Variants in MB21D2 observed in about 807,000 individuals in gnomAD.
MB21D2 encodes nucleotidyltransferase MB21D2.
In MB21D2, 9 loss-of-function variants were observed where a neutral mutation model predicts 33.3. The ratio of observed to expected loss-of-function variants is 0.27; its 90% CI spans 0.16 to 0.47. The LOEUF (loss-of-function observed/expected upper bound fraction) is 0.47. MB21D2 is among the 20% of genes least tolerant of loss of function. MB21D2 has a pLI of 0.99. For synonymous variants in MB21D2, 241 were observed against 236.3 expected (o/e 1.02, Z -0.18); for missense variants, 540 against 624.6 (o/e 0.86, Z 1.44).
At chr3:192,837,119 T>C (rs959889971) in intron 1 of MB21D2, among the ~76,000 whole-genome samples, 9 of 152,146 alleles carry the variant, frequency 5.9e-5, no homozygotes, top group African/African-American at 2.2e-4. Context: ...ATGCCCTGTT[T>C]GAGTCCAGAA....
chr3:192,890,202 ATTT>A (rs1214180024), intron 1 of MB21D2, among the ~76,000 whole-genome samples: 2 of 152,138 alleles, frequency 1.3e-5, no homozygotes, highest in Non-Finnish European at 2.9e-5. Context: ...ATGTAGGTCC[ATTT>A]TTAGTATATA....
chr3:192,884,667 A>G (rs1577195988), intron 1 of MB21D2, among the ~76,000 whole-genome samples: 4 of 152,088 alleles, frequency 2.6e-5, no homozygotes, highest in Admixed American at 2.6e-4. Flanking sequence ...GCACCCGGCC[A>G]GAGGTGCATG....
chr3:192,917,317 C>A (rs911094834), intron 1 of MB21D2, among the ~76,000 whole-genome samples: 1 of 152,206 alleles, frequency 6.6e-6, no homozygotes, highest in African/African-American at 2.4e-5. Context: ...AGGGGCTTCC[C>A]CCAACAGTGC....
chr3:192,835,087 C>T (rs1231112209), intron 1 of MB21D2, among the ~76,000 whole-genome samples: 10 of 144,340 alleles, frequency 6.9e-5, no homozygotes, highest in Non-Finnish European at 1.4e-4. Context: ...GGATGACAGG[C>T]GTGAGCCACC....
intron 1 of MB21D2, among the ~76,000 whole-genome samples, chr3:192,862,384 T>C (rs539172713): frequency 1.3e-5 from 2 of 152,200 alleles, no homozygotes; most frequent in Non-Finnish European, 2.9e-5. Context: ...AATTGTAGAA[T>C]AATAGAGACA....
intron 1 of MB21D2, among the ~76,000 whole-genome samples, chr3:192,879,058 G>A (rs988719276): frequency 6.6e-6 from 1 of 152,188 alleles, no homozygotes; most frequent in African/African-American, 2.4e-5. Flanking sequence ...AGCAAGAGGT[G>A]CTCAAGAAGC....
At chr3:192,851,130 G>T (rs528577828) in intron 1 of MB21D2, among the ~76,000 whole-genome samples, 1 of 152,180 alleles carries the variant, frequency 6.6e-6, no homozygotes, top group South Asian at 2.1e-4. Context: ...TCAAGATATG[G>T]CTCCTATAAA....
chr3:192,884,002 T>G (rs904255040), intron 1 of MB21D2, among the ~76,000 whole-genome samples: 1 of 152,132 alleles, frequency 6.6e-6, no homozygotes, highest in African/African-American at 2.4e-5. Context: ...TGGTTGACTC[T>G]CAGCATCTGA....
At chr3:192,847,777 G>A (rs1577182182) in intron 1 of MB21D2, among the ~76,000 whole-genome samples, 1 of 152,042 alleles carries the variant, frequency 6.6e-6, no homozygotes, top group East Asian at 1.9e-4. Context: ...TCTTCCCTGG[G>A]GAACTAGAGA....
chr3:192,863,872 G>C (rs1713106112), intron 1 of MB21D2, among the ~76,000 whole-genome samples: 1 of 152,176 alleles, frequency 6.6e-6, no homozygotes, highest in Non-Finnish European at 1.5e-5. Flanking sequence ...AAACCTGCCA[G>C]AGCCTTGATC....
At chr3:192,825,144 T>C (rs1295756982) in intron 1 of MB21D2, among the ~76,000 whole-genome samples, 9 of 152,218 alleles carry the variant, frequency 5.9e-5, no homozygotes, top group Non-Finnish European at 1.3e-4. Context: ...TCAGGCCACT[T>C]ACCTACTTTA....
chr3:192,889,160 A>C (rs1487595917), intron 1 of MB21D2, among the ~76,000 whole-genome samples: 3 of 152,122 alleles, frequency 2.0e-5, no homozygotes, highest in African/African-American at 2.4e-5. Context: ...ACACACACAA[A>C]TATACAGTTA....
At chr3:192,857,525 T>C (rs11925989) in intron 1 of MB21D2, among the ~76,000 whole-genome samples, 6,272 of 152,280 alleles carry the variant, frequency 0.041, 166 homozygotes, top group African/African-American at 0.044. Flanking sequence ...AGAGAAACCA[T>C]TCTTCTATCC....
chr3:192,820,075 G>A (rs1289756676), intron 1 of MB21D2, among the ~76,000 whole-genome samples: 1 of 152,134 alleles, frequency 6.6e-6, no homozygotes, highest in Non-Finnish European at 1.5e-5. Context: ...TGACTTTCAG[G>A]ACTCTATACA....
intron 1 of MB21D2, among the ~76,000 whole-genome samples, chr3:192,880,062 A>AG (rs1330647110): frequency 2.0e-5 from 3 of 152,094 alleles, no homozygotes; most frequent in African/African-American, 7.2e-5. Context: ...ACAAACAATA[A>AG]GGACGGGCGC....
chr3:192,916,408 T>C (rs953461968), intron 1 of MB21D2, among the ~76,000 whole-genome samples: 3 of 152,032 alleles, frequency 2.0e-5, no homozygotes, highest in Non-Finnish European at 2.9e-5. Context: ...CCCAATTAGA[T>C]TGCAGGAGAA....
intron 1 of MB21D2, among the ~76,000 whole-genome samples, chr3:192,885,580 T>C (rs1237800468): frequency 1.3e-5 from 2 of 151,964 alleles, no homozygotes; most frequent in Non-Finnish European, 2.9e-5. Context: ...TCTAAGAAGC[T>C]CCAAGAAGCT....
intron 1 of MB21D2, among the ~76,000 whole-genome samples, chr3:192,904,407 C>A (rs1473685991): frequency 6.6e-6 from 1 of 152,196 alleles, no homozygotes; most frequent in African/African-American, 2.4e-5. Context: ...CAGTTTTAAA[C>A]CCCATGGTGT....
At chr3:192,900,179 G>C (rs374239257) in intron 1 of MB21D2, among the ~76,000 whole-genome samples, 8 of 151,656 alleles carry the variant, frequency 5.3e-5, no homozygotes, top group African/African-American at 1.5e-4. Flanking sequence ...AGCTACTCAG[G>C]AGGCTGAAGC....
Sources: allele counts gnomAD v4.1 joint callset (sites outside exome capture counted in the v4.1 genomes callset), GRCh38; gene constraint gnomAD v4.1.1; transcripts MANE v1.5; gene names NCBI Gene and HGNC (gene_info 2026-07-23, HGNC 2026-07-21).